Variants in EBF3 observed in about 807,000 individuals in gnomAD.
EBF3 encodes transcription factor COE3.
A neutral mutation model predicts 77.1 loss-of-function variants in EBF3; 18 were observed. The observed-to-expected ratio is 0.23, with a 90% confidence interval of 0.16 to 0.35. The LOEUF is 0.35. EBF3 is among the 10% of genes least tolerant of loss of function. The pLI, the probability that EBF3 is intolerant of heterozygous loss-of-function variation, is 1.00. For synonymous variants in EBF3, 350 were observed against 343.5 expected (o/e 1.02, Z -0.21); for missense variants, 558 against 860.0 (o/e 0.65, Z 4.39).
chr10:129,900,866 T>G (rs916079781), intron 6 of EBF3, among the ~76,000 whole-genome samples: 2 of 152,068 alleles, frequency 1.3e-5, no homozygotes, highest in Admixed American at 1.3e-4. Context: ...GGTGACTGAG[T>G]TCATGAAGGT....
chr10:129,910,657 C>A (rs1360998984), intron 6 of EBF3, among the ~76,000 whole-genome samples: 1 of 152,104 alleles, frequency 6.6e-6, no homozygotes, highest in Non-Finnish European at 1.5e-5. Flanking sequence ...GTGGGTCCCC[C>A]CTTCTTTTCC....
chr10:129,838,070 C>A (rs1849729285), intron 16 of EBF3, 110 bp from the exon 17 acceptor site: 17 of 1,343,464 alleles, frequency 1.3e-5, no homozygotes, highest in Middle Eastern at 1.9e-4. Context: ...GGAGGCTGGT[C>A]TTGCACAGTT....
At chr10:129,860,674 TAACA>T (rs1318451134) in intron 10 of EBF3, among the ~76,000 whole-genome samples, 1 of 152,166 alleles carries the variant, frequency 6.6e-6, no homozygotes, top group African/African-American at 2.4e-5. Flanking sequence ...CTTGTACTAA[TAACA>T]AAAAGGCCAT....
chr10:129,931,533 A>T (rs1857027068), intron 6 of EBF3, among the ~76,000 whole-genome samples: 1 of 152,230 alleles, frequency 6.6e-6, no homozygotes, highest in Non-Finnish European at 1.5e-5. Flanking sequence ...TATAGCAAGT[A>T]GCCCCAACAG....
intron 6 of EBF3, among the ~76,000 whole-genome samples, chr10:129,906,576 A>G (rs2134269508): frequency 6.6e-6 from 1 of 152,284 alleles, no homozygotes; most frequent in Non-Finnish European, 1.5e-5. Context: ...GGACCAGAGG[A>G]CGCTTCTGCT....
chr10:129,905,716 G>A (rs1227614787), intron 6 of EBF3, among the ~76,000 whole-genome samples: 3 of 152,176 alleles, frequency 2.0e-5, no homozygotes, highest in East Asian at 3.9e-4. Flanking sequence ...TCTCCAGGAC[G>A]GTGGCGGGGA....
Position 129,961,915 on chromosome 10 carries a change from ATAAT to A in EBF3, c.411+252_411+255del, listed in dbSNP as rs545238049. Among the ~76,000 whole-genome samples, 204 of 152,352 alleles carry A rather than the reference ATAAT, an allele frequency of 1.3e-3. 1 individual carries two copies. Among genetic ancestry groups the A allele is most frequent in the South Asian group, 8.1e-3 (39 of 4,824 alleles). On this transcript the variant is annotated intron_variant, in intron 4 of 16. Transcript: ENST00000440978. ...AAATTTTTGTCAAATATTAATTACC[ATAAT>A]TAATTAAGACAGAATATGATTCCAA...
chr10:129,913,788 C>T (rs967259203), intron 6 of EBF3, among the ~76,000 whole-genome samples: 11 of 152,336 alleles, frequency 7.2e-5, no homozygotes, highest in Non-Finnish European at 1.2e-4. Flanking sequence ...TGGAAGGCCC[C>T]GTGCCAACCC....
rs12219475 is a variant in EBF3, at chr10:129,874,936, G to A, written c.637-1340C>T. Reference sequence around the variant, plus strand: ...GGGGAAACCAGGGGGAGGGGCGCACGGGGGTACACGGGCGATCTCTGTACT... The same window carrying A: ...GGGGAAACCAGGGGGAGGGGCGCACAGGGGTACACGGGCGATCTCTGTACT... On this transcript the variant is annotated intron_variant, in intron 7 of 16. Transcript: ENST00000440978. 6.6e-3 allele frequency among the ~76,000 whole-genome samples: 1,010 copies of A among 152,192 alleles called. 6 individuals are homozygous for A. Among genetic ancestry groups the A allele is most frequent in the East Asian group, 0.049 (252 of 5,168 alleles).
intron 6 of EBF3, among the ~76,000 whole-genome samples, chr10:129,901,037 G>A (rs899768084): frequency 1.3e-5 from 2 of 152,212 alleles, no homozygotes; most frequent in African/African-American, 4.8e-5. Context: ...TCTTTGGGCT[G>A]GTAAGTCTTT....
chr10:129,943,257 C>T lies in EBF3; in HGVS notation c.554+14001G>A, dbSNP rs1857916129. 6.6e-6 allele frequency among the ~76,000 whole-genome samples: 1 copy of T among 152,228 alleles called. No homozygotes were observed. On this transcript the variant is annotated intron_variant, in intron 6 of 16. Transcript: ENST00000440978. This position sits in a 1 kb window ranked among gnomAD's most constrained non-coding sequence, Gnocchi z 8.8. ...CAGCGGCTCTCCACAAACAAATAAACAGCAAATACTTACAGGAGACAGCCT... is the reference window on the plus strand; with the variant it reads ...CAGCGGCTCTCCACAAACAAATAAATAGCAAATACTTACAGGAGACAGCCT...
intron 6 of EBF3, among the ~76,000 whole-genome samples, chr10:129,891,780 C>T (rs1384680944): frequency 2.0e-5 from 3 of 152,212 alleles, no homozygotes; most frequent in Non-Finnish European, 4.4e-5. Context: ...TTTGAGAATC[C>T]TTCTGGATAA....
intron 6 of EBF3, among the ~76,000 whole-genome samples, chr10:129,902,709 G>A (rs551845044): frequency 1.5e-3 from 228 of 152,284 alleles, no homozygotes; most frequent in South Asian, 4.1e-3. Flanking sequence ...CTCTTTATGA[G>A]CGTGTAACTA....
intron 6 of EBF3, among the ~76,000 whole-genome samples, chr10:129,921,255 G>A (rs965023590): frequency 6.6e-6 from 1 of 152,188 alleles, no homozygotes; most frequent in Non-Finnish European, 1.5e-5. Flanking sequence ...GACTGACGGC[G>A]GGGGTGGTCA....
Position 129,865,548 on chromosome 10 carries a change from G to GC in EBF3, c.1039+1592dup, listed in dbSNP as rs1324164110. Among the ~76,000 whole-genome samples, 4 of 152,154 alleles carry GC rather than the reference G, an allele frequency of 2.6e-5. No homozygotes were observed. The East Asian group carries it at 7.7e-4, about 29-fold the overall frequency. On this transcript the variant is annotated intron_variant, in intron 10 of 16. Coordinates refer to ENST00000440978, the MANE Select transcript of EBF3 (RefSeq NM_001375380.1). ...CACAGAAGGTGGCCCCTAGTGTGGG[G>GC]CAGGCACTGCCTCTCCCATCCTAAC...
At chr10:129,893,106 A>C (rs1854136003) in intron 6 of EBF3, among the ~76,000 whole-genome samples, 1 of 152,256 alleles carries the variant, frequency 6.6e-6, no homozygotes, top group Non-Finnish European at 1.5e-5. Flanking sequence ...TCACTCCTGA[A>C]ATGTACCAAT....
chr10:129,900,470 C>G (rs1461489935), intron 6 of EBF3, among the ~76,000 whole-genome samples: 1 of 152,226 alleles, frequency 6.6e-6, no homozygotes, highest in Non-Finnish European at 1.5e-5. Flanking sequence ...CAGCGGTCAG[C>G]ACCAGCAAGG....
rs942934925 is a variant in EBF3 at position 129,864,093 on chromosome 10, G to C, written c.1039+3048C>G. Among the ~76,000 whole-genome samples, 11 of 152,158 alleles carry C rather than the reference G, an allele frequency of 7.2e-5. No individual in the cohort carries two copies. Among genetic ancestry groups the C allele is most frequent in the African/African-American group, 1.9e-4 (8 of 41,426 alleles). ...AGGTGGGCACTTGGACAGGCTGGGT[G>C]GGGGCTGGAACTAAGGGGTCCACTG... On this transcript the variant is annotated intron_variant, in intron 10 of 16. Coordinates refer to ENST00000440978, the MANE Select transcript of EBF3 (RefSeq NM_001375380.1). This position sits in a 1 kb window ranked among gnomAD's most constrained non-coding sequence, Gnocchi z 4.4.
rs917084381 is a variant in EBF3 at position 129,870,742 on chromosome 10, C to T, written c.781+2710G>A. On this transcript the variant is annotated intron_variant, in intron 8 of 16. Coordinates refer to ENST00000440978, the MANE Select transcript of EBF3 (RefSeq NM_001375380.1). The surrounding 1 kb of genome is among the most constrained non-coding windows in gnomAD (Gnocchi z 4.4). ...TGGGATGAGCATGTCAAAACGGGAG[C>T]GTGACTCAACTTGGAAACCCGTGTT... 2.0e-5 allele frequency among the ~76,000 whole-genome samples: 3 copies of T among 152,274 alleles called. No individual in the cohort carries two copies. Among genetic ancestry groups the T allele is most frequent in the East Asian group, 3.9e-4 (2 of 5,168 alleles).
Sources: gnomAD v4.1 joint callset for allele counts (sites outside exome capture counted in the v4.1 genomes callset) on GRCh38, gnomAD v4.1.1 for gene constraint, Gnocchi (gnomAD v3.1) non-coding constraint, MANE v1.5 for transcripts, NCBI Gene and HGNC (gene_info 2026-07-23, HGNC 2026-07-21) for gene names.